The following CNTNAP5 variants were observed in gnomAD, a reference collection of about 807,000 sequenced individuals.
The protein encoded by CNTNAP5 is contactin-associated protein-like 5.
CNTNAP5 carries 72 observed loss-of-function variants against 150.2 expected under a neutral mutation model. The ratio of observed to expected loss-of-function variants is 0.48; its 90% CI spans 0.40 to 0.58. CNTNAP5 has a LOEUF of 0.58. CNTNAP5 is among the 20% of genes least tolerant of loss of function. The pLI is 0.00. For synonymous variants in CNTNAP5, 672 were observed against 619.8 expected (o/e 1.08, Z -1.25); for missense variants, 1,636 against 1,626.2 (o/e 1.01, Z -0.10).
intron 1 of CNTNAP5, among the ~76,000 whole-genome samples, chr2:124,213,468 T>C (rs1686073287): frequency 6.6e-6 from 1 of 152,198 alleles, no homozygotes; most frequent in Admixed American, 6.5e-5. Flanking sequence ...TCTTTCATCC[T>C]TTCACTCAAC....
chr2:124,904,053 C>CAAAAAAA (rs74764844), intron 22 of CNTNAP5, among the ~76,000 whole-genome samples: 1 of 88,642 alleles, frequency 1.1e-5, no homozygotes, highest in Non-Finnish European at 2.1e-5. Context: ...GACTCTGTTT[C>CAAAAAAA]AAAAAAAAAA....
intron 14 of CNTNAP5, among the ~76,000 whole-genome samples, chr2:124,749,184 C>T (rs1444382273): frequency 2.0e-5 from 3 of 152,132 alleles, no homozygotes; most frequent in African/African-American, 7.2e-5. Flanking sequence ...AACATCTGCT[C>T]CCAATCGCTT....
At chr2:124,687,538 A>G (rs989567236) in intron 13 of CNTNAP5, among the ~76,000 whole-genome samples, 2 of 151,904 alleles carry the variant, frequency 1.3e-5, no homozygotes, top group Admixed American at 6.6e-5. Flanking sequence ...ATTTTTCTTA[A>G]CTTCCTCTCT....
At chr2:124,481,404 T>C (rs1693759792) in intron 7 of CNTNAP5, among the ~76,000 whole-genome samples, 1 of 152,220 alleles carries the variant, frequency 6.6e-6, no homozygotes. Context: ...ACTTTTCCTT[T>C]CTATCAGATA....
chr2:124,184,064 C>T (rs1387886437), intron 1 of CNTNAP5, among the ~76,000 whole-genome samples: 1 of 152,112 alleles, frequency 6.6e-6, no homozygotes, highest in Non-Finnish European at 1.5e-5. Context: ...TAAGTTGCAA[C>T]TAGTTGCTGG....
intron 7 of CNTNAP5, among the ~76,000 whole-genome samples, chr2:124,501,348 T>C (rs1694274875): frequency 6.6e-6 from 1 of 152,336 alleles, no homozygotes; most frequent in South Asian, 2.1e-4. Flanking sequence ...AAATCTTGAA[T>C]GGAATTAAAC....
At chr2:124,054,991 G>T (rs750279576) in intron 1 of CNTNAP5, among the ~76,000 whole-genome samples, 3 of 152,142 alleles carry the variant, frequency 2.0e-5, no homozygotes, top group African/African-American at 7.2e-5. Context: ...GGAGCCAAAT[G>T]GGTGGGAGTC....
At chr2:124,511,541 C>T (rs1486594360) in intron 8 of CNTNAP5, among the ~76,000 whole-genome samples, 1 of 152,184 alleles carries the variant, frequency 6.6e-6, no homozygotes, top group African/African-American at 2.4e-5. Context: ...GTTCCGTTAG[C>T]CTCACTGTCC....
At chr2:124,633,402 C>A (rs1047750063) in intron 12 of CNTNAP5, among the ~76,000 whole-genome samples, 2 of 152,188 alleles carry the variant, frequency 1.3e-5, no homozygotes, top group African/African-American at 4.8e-5. Context: ...CTCAGCAGGG[C>A]AGTCATTACC....
At chr2:124,388,935 C>A (rs1293506288) in intron 3 of CNTNAP5, among the ~76,000 whole-genome samples, 3 of 152,144 alleles carry the variant, frequency 2.0e-5, no homozygotes, top group African/African-American at 7.2e-5. Context: ...TTCCTACAGC[C>A]TCACAGAATC....
At chr2:124,505,117 G>T (rs1694373428) in intron 8 of CNTNAP5, among the ~76,000 whole-genome samples, 1 of 152,178 alleles carries the variant, frequency 6.6e-6, no homozygotes, top group African/African-American at 2.4e-5. Flanking sequence ...TCATTGGAAA[G>T]ATGGGAATAA....
chr2:124,205,631 T>A (rs986973530), intron 1 of CNTNAP5, among the ~76,000 whole-genome samples: 1 of 152,026 alleles, frequency 6.6e-6, no homozygotes, highest in Admixed American at 6.6e-5. Flanking sequence ...GTTGGCCAGC[T>A]TGTCTTGTGA....
At chr2:124,083,356 C>A (rs2104677271) in intron 1 of CNTNAP5, among the ~76,000 whole-genome samples, 1 of 152,102 alleles carries the variant, frequency 6.6e-6, no homozygotes, top group East Asian at 1.9e-4. Flanking sequence ...GAGAGTCCAT[C>A]TCAAAAAATA....
At chr2:124,193,662 C>T (rs937137352) in intron 1 of CNTNAP5, among the ~76,000 whole-genome samples, 4 of 152,196 alleles carry the variant, frequency 2.6e-5, no homozygotes, top group East Asian at 1.9e-4. Flanking sequence ...ACTTGGAAAA[C>T]AATACCTCAC....
At chr2:124,539,812 A>G (rs1029160389) in intron 10 of CNTNAP5, among the ~76,000 whole-genome samples, 7 of 152,176 alleles carry the variant, frequency 4.6e-5, no homozygotes, top group Non-Finnish European at 7.3e-5. Context: ...ATTTACCTAC[A>G]TATATAACCT....
At chr2:124,359,763 G>GA (rs1322794142) in intron 3 of CNTNAP5, among the ~76,000 whole-genome samples, 3 of 75,952 alleles carry the variant, frequency 3.9e-5, no homozygotes, top group African/African-American at 5.7e-5. Flanking sequence ...GTGTGGTGCT[G>GA]AAAAAAATGT....
intron 13 of CNTNAP5, among the ~76,000 whole-genome samples, chr2:124,729,548 T>G (rs928366813): frequency 6.6e-5 from 10 of 152,088 alleles, no homozygotes; most frequent in African/African-American, 2.2e-4. Flanking sequence ...GTTTTACATT[T>G]TTGATATCTC....
Position 124,551,936 on chromosome 2 carries a change from A to AT in CNTNAP5, c.1650-11274dup, listed in dbSNP as rs199625023. On this transcript the variant is annotated intron_variant, in intron 10 of 23. Transcript: ENST00000682447. Reference sequence around the variant, plus strand: ...TTCTCAAGATGTGTTCAGGTTGAAGATTTTTTTAAGAGGGGTAGGCATGTG... The same window carrying AT: ...TTCTCAAGATGTGTTCAGGTTGAAGATTTTTTTTAAGAGGGGTAGGCATGTG... Among the ~76,000 whole-genome samples, 984 of 152,222 alleles carry AT rather than the reference A, an allele frequency of 6.5e-3. 38 individuals are homozygous for AT. Among genetic ancestry groups the AT allele is most frequent in the Admixed American group, 0.054 (827 of 15,284 alleles).
chr2:124,470,190 A>G (rs1038223625), intron 6 of CNTNAP5, among the ~76,000 whole-genome samples: 7 of 152,180 alleles, frequency 4.6e-5, no homozygotes, highest in African/African-American at 1.4e-4. Flanking sequence ...CTCTCCCATC[A>G]ATAGCGTAAA....
Sources: gnomAD v4.1 joint callset for allele counts (sites outside exome capture counted in the v4.1 genomes callset) on GRCh38, gnomAD v4.1.1 for gene constraint, MANE v1.5 for transcripts, NCBI Gene and HGNC (gene_info 2026-07-23, HGNC 2026-07-21) for gene names.